MED15: variants seen among roughly 807,000 people sequenced by gnomAD.
MED15 encodes the protein mediator of RNA polymerase II transcription subunit 15.
MED15 carries 41 observed loss-of-function variants against 118.7 expected under a neutral mutation model. That is an observed-to-expected ratio of 0.35 (90% CI 0.27 to 0.45). The LOEUF (loss-of-function observed/expected upper bound fraction) is 0.45. Ranked by LOEUF, MED15 falls within the 20% of genes least tolerant of loss-of-function variation. The probability of loss-of-function intolerance (pLI) is 1.00; values close to 1 mark genes in which losing one functional copy is unlikely to be tolerated. For synonymous variants in MED15, 436 were observed against 413.9 expected (o/e 1.05, Z -0.65); for missense variants, 740 against 1,025.5 (o/e 0.72, Z 3.80).
chr22:20,563,828 A>C (rs545250859), intron 5 of MED15, among the ~76,000 whole-genome samples: 1 of 152,348 alleles, frequency 6.6e-6, no homozygotes, highest in Admixed American at 6.5e-5. Flanking sequence ...GTTTTAGTGT[A>C]ATCCACAGAG....
chr22:20,532,448 G>T (rs2054897108), intron 1 of MED15, among the ~76,000 whole-genome samples: 1 of 152,188 alleles, frequency 6.6e-6, no homozygotes, highest in African/African-American at 2.4e-5. Flanking sequence ...AGCTCCAAGG[G>T]CCTGTAATGA....
At chr22:20,524,644 C>T (rs555272407) in intron 1 of MED15, among the ~76,000 whole-genome samples, 43 of 152,214 alleles carry the variant, frequency 2.8e-4, no homozygotes, top group African/African-American at 9.2e-4. Flanking sequence ...TGTTTTGAGA[C>T]GGAGTCTAGC....
In MED15 at chr22:20,533,158, G is replaced by T. The variant is rs188209186; in HGVS notation, c.69-3959G>T. On this transcript the variant is annotated intron_variant, in intron 1 of 17. Transcript: ENST00000263205. ...TGTTCTGAAGGTGGGCCTGGGTCCT[G>T]CCTGCAGCCTCCCGCAGCGGGTGTG... 2.0e-5 allele frequency among the ~76,000 whole-genome samples: 3 copies of T among 152,254 alleles called. No homozygotes were observed. The East Asian group carries it at 5.8e-4, about 29-fold the overall frequency.
intron 9 of MED15, chr22:20,582,310 G>T: frequency 2.0e-6 from 1 of 503,540 alleles, no homozygotes; most frequent in Non-Finnish European, 3.5e-6. Context: ...TTGCCTCCCA[G>T]ACTGCCCTTT....
At chr22:20,553,242 G>C in intron 4 of MED15, 68 bp downstream of exon 4, 1 of 1,471,824 alleles carries the variant, frequency 6.8e-7, no homozygotes. Context: ...GAATGACATA[G>C]TGCATGCCTC....
chr22:20,530,004 G>A (rs1327933461), intron 1 of MED15, among the ~76,000 whole-genome samples: 5 of 152,296 alleles, frequency 3.3e-5, no homozygotes, highest in Admixed American at 6.5e-5. Context: ...GATTACAGGC[G>A]TGAACCACCA....
intron 2 of MED15, among the ~76,000 whole-genome samples, chr22:20,538,656 G>A (rs971736904): frequency 3.9e-5 from 6 of 151,944 alleles, no homozygotes; most frequent in South Asian, 2.1e-4. Context: ...TTGCCTATTC[G>A]GAATTTTCCA....
intron 1 of MED15, among the ~76,000 whole-genome samples, chr22:20,508,607 C>T (rs1405871684): frequency 2.0e-5 from 3 of 152,000 alleles, no homozygotes; most frequent in East Asian, 1.9e-4. Context: ...TCACAAAGTA[C>T]ATTCTCAAGG....
At chr22:20,584,704 G>T in intron 14 of MED15, 151 bp from the exon 15 acceptor site, 1 of 1,051,982 alleles carries the variant, frequency 9.5e-7, no homozygotes, top group South Asian at 1.5e-5. Flanking sequence ...ATTATTCCCA[G>T]GATCAGCCAA....
At position 20,566,939 on chromosome 22, in the gene MED15, C is replaced by G. The variant is rs1231946304; in HGVS notation, c.1041+122C>G. On this transcript the variant is annotated intron_variant, in intron 7 of 17. Transcript: ENST00000263205. ...TCAAGTGCTGAGACTTCAGGCAGCC[C>G]CCACCCCTTGCCAGCCCTGCCGACT... 8 of 1,508,738 alleles carry G rather than the reference C, an allele frequency of 5.3e-6. No individual in the cohort carries two copies. The African/African-American group carries it at 8.3e-5, about 16-fold the overall frequency. The allele number at this position is 1,508,738 out of a possible 1,614,324, so 93.5% of individuals were successfully genotyped here.
intron 1 of MED15, among the ~76,000 whole-genome samples, chr22:20,532,061 C>T (rs2054883379): frequency 6.6e-6 from 1 of 152,186 alleles, no homozygotes; most frequent in African/African-American, 2.4e-5. Flanking sequence ...AGGCTCAAAG[C>T]AAGCAGGGGC....
chr22:20,537,074 G>A (rs770180506), intron 1 of MED15, 43 bp from the exon 2 acceptor site: 1 of 1,582,836 alleles, frequency 6.3e-7, no homozygotes, highest in Non-Finnish European at 8.7e-7. Flanking sequence ...CAGCGGTGGA[G>A]TCACTGGTGT....
intron 5 of MED15, 77 bp from the exon 6 acceptor site, chr22:20,564,373 G>T: frequency 6.4e-7 from 1 of 1,573,774 alleles, no homozygotes; most frequent in Admixed American, 1.7e-5. Flanking sequence ...TGGCTGTTTT[G>T]TCCCTTGCTG....
At chr22:20,555,656 C>T (rs1227612415) in intron 5 of MED15, among the ~76,000 whole-genome samples, 2 of 152,252 alleles carry the variant, frequency 1.3e-5, no homozygotes, top group African/African-American at 4.8e-5. Flanking sequence ...GGAAACTGGG[C>T]TGTGATCAGG....
Position 20,507,705 on chromosome 22 carries a change from C to G in MED15, c.27C>G (p.Asp9Glu), listed in dbSNP as rs2053915915. 3.1e-5 allele frequency: 50 copies of G among 1,614,068 alleles called. No individual in the cohort carries two copies. The highest frequency in any genetic ancestry group is 4.2e-5 in the Non-Finnish European group (50 of 1,179,942). ...TGGACGTTTCCGGGCAAGAGACCGACTGGCGGAGCACCGCCTTCCGGCAGA... is the reference window on the plus strand; with the variant it reads ...TGGACGTTTCCGGGCAAGAGACCGAGTGGCGGAGCACCGCCTTCCGGCAGA... MDVSGQET[D>E]WRSTAFRQKL... Residue 9 changes from aspartate to glutamate, a missense_variant, in exon 1 of 18, where the codon GAC becomes GAG. Coordinates refer to ENST00000263205, the MANE Select transcript of MED15 (RefSeq NM_001003891.3).
intron 14 of MED15, 107 bp downstream of exon 14, chr22:20,584,532 G>T: frequency 7.5e-7 from 1 of 1,330,794 alleles, no homozygotes; most frequent in Non-Finnish European, 1.1e-6. Flanking sequence ...CGGGGGCCGG[G>T]CCTGACCTTG....
At chr22:20,523,542 A>T in intron 1 of MED15, 5 of 454,186 alleles carry the variant, frequency 1.1e-5, no homozygotes, top group Non-Finnish European at 1.5e-5. Flanking sequence ...AACTGTGAGT[A>T]CTTGAGTGCA....
At chr22:20,523,905 A>G (rs2054545053) in intron 1 of MED15, 1 of 940,920 alleles carries the variant, frequency 1.1e-6, no homozygotes, top group African/African-American at 1.8e-5. Context: ...GACCTTGAGG[A>G]TAGAGGCAAG....
In MED15 at chr22:20,586,706, C is replaced by G; in HGVS notation, c.*2C>G. 1 of 1,612,394 alleles carries G rather than the reference C, an allele frequency of 6.2e-7. No individual in the cohort carries two copies. Among genetic ancestry groups the G allele is most frequent in the Non-Finnish European group, 8.5e-7 (1 of 1,179,920 alleles). ...CAGGCCTGCCTCTCAGCCGCCTAGC[C>G]AAGACTGCAGGGATGGCCCGCAGCC... On this transcript the variant is annotated 3_prime_UTR_variant, in exon 18 of 18. Transcript: ENST00000263205.
Sources: allele counts gnomAD v4.1 joint callset (sites outside exome capture counted in the v4.1 genomes callset), GRCh38; gene constraint gnomAD v4.1.1; transcripts MANE v1.5; gene names NCBI Gene and HGNC (gene_info 2026-07-23, HGNC 2026-07-21).